OR9Q1: variants seen among roughly 807,000 people sequenced by gnomAD.
OR9Q1 encodes olfactory receptor family 9 subfamily Q member 1.
For synonymous variants in OR9Q1, 153 were observed against 148.6 expected, an observed-to-expected ratio of 1.03 and a Z score of -0.22; for missense variants, 374 against 378.8, an observed-to-expected ratio of 0.99 and a Z score of 0.11.
intron 2 of OR9Q1, among the ~76,000 whole-genome samples, chr11:58,124,218 C>G (rs546630547): frequency 3.3e-5 from 5 of 152,028 alleles, no homozygotes; most frequent in South Asian, 4.2e-4. Flanking sequence ...CTCCCCGAAC[C>G]CAGGACAGTT....
intron 2 of OR9Q1, among the ~76,000 whole-genome samples, chr11:58,100,137 C>T (rs1853770076): frequency 6.6e-6 from 1 of 152,148 alleles, no homozygotes; most frequent in Admixed American, 6.5e-5. Context: ...AGCAGCATTT[C>T]AAGAGAGTGA....
At chr11:58,066,943 G>A (rs1266921217) in intron 2 of OR9Q1, among the ~76,000 whole-genome samples, 1 of 152,204 alleles carries the variant, frequency 6.6e-6, no homozygotes, top group Non-Finnish European at 1.5e-5. Flanking sequence ...CGGCACTGGG[G>A]AGTGTGTGCT....
intron 2 of OR9Q1, among the ~76,000 whole-genome samples, chr11:58,136,036 ATC>A (rs1329006018): frequency 1.3e-5 from 2 of 152,160 alleles, no homozygotes; most frequent in African/African-American, 4.8e-5. Flanking sequence ...TTTCCTGAAA[ATC>A]CCATTAGTTT....
chr11:58,106,866 T>C (rs1853845363), intron 2 of OR9Q1, among the ~76,000 whole-genome samples: 1 of 152,196 alleles, frequency 6.6e-6, no homozygotes, highest in Non-Finnish European at 1.5e-5. Flanking sequence ...TCTATTTTTA[T>C]GTCAGTACAA....
rs748092841 is a variant in OR9Q1 at position 58,118,795 on chromosome 11, G to A, written c.-14-60636G>A. 6.8e-5 allele frequency: 110 copies of A among 1,613,978 alleles called. 1 individual carries two copies. The South Asian group carries it at 1.1e-3, about 17-fold the overall frequency. On this transcript the variant is annotated intron_variant, in intron 2 of 2. Transcript: ENST00000335397. Reference sequence around the variant, plus strand: ...AATGGTCTTGATGATGAGCAGATAGGAAATCAGGATGACGGAGGCATTGGC... The same window carrying A: ...AATGGTCTTGATGATGAGCAGATAGAAAATCAGGATGACGGAGGCATTGGC...
At chr11:58,175,514 A>T (rs568957214) in intron 2 of OR9Q1, among the ~76,000 whole-genome samples, 1 of 152,262 alleles carries the variant, frequency 6.6e-6, no homozygotes, top group East Asian at 1.9e-4. Flanking sequence ...ATTGTTTACT[A>T]CTATCCCCAT....
At chr11:58,129,723 T>A (rs1854123188) in intron 2 of OR9Q1, among the ~76,000 whole-genome samples, 1 of 152,166 alleles carries the variant, frequency 6.6e-6, no homozygotes, top group South Asian at 2.1e-4. Context: ...TTTTCTGACC[T>A]CCAGAAGTTC....
intron 2 of OR9Q1, among the ~76,000 whole-genome samples, chr11:58,156,701 G>A (rs911484654): frequency 6.6e-6 from 1 of 152,170 alleles, no homozygotes; most frequent in South Asian, 2.1e-4. Context: ...TTGGAGACAA[G>A]ATTCCCTGAG....
At chr11:58,067,742 T>C (rs1013109537) in intron 2 of OR9Q1, among the ~76,000 whole-genome samples, 2 of 152,104 alleles carry the variant, frequency 1.3e-5, no homozygotes, top group Admixed American at 1.3e-4. Context: ...AAGTGGGAAA[T>C]GGAAGTGTGG....
At chr11:58,099,644 T>G (rs2120083138) in intron 2 of OR9Q1, among the ~76,000 whole-genome samples, 1 of 152,302 alleles carries the variant, frequency 6.6e-6, no homozygotes, top group South Asian at 2.1e-4. Flanking sequence ...TAGGTGGATC[T>G]TATTTTTAAT....
chr11:58,155,403 A>G (rs544962862), intron 2 of OR9Q1, among the ~76,000 whole-genome samples: 1 of 152,132 alleles, frequency 6.6e-6, no homozygotes, highest in South Asian at 2.1e-4. Flanking sequence ...GTTCATACAG[A>G]AAATGAACCA....
At chr11:58,080,076 T>A (rs1379879276) in intron 2 of OR9Q1, among the ~76,000 whole-genome samples, 1 of 152,170 alleles carries the variant, frequency 6.6e-6, no homozygotes, top group Non-Finnish European at 1.5e-5. Context: ...GCTTGTTACA[T>A]GGGTATATTG....
chr11:58,112,069 C>T (rs1443024365), intron 2 of OR9Q1, among the ~76,000 whole-genome samples: 2 of 152,072 alleles, frequency 1.3e-5, no homozygotes, highest in Non-Finnish European at 2.9e-5. Context: ...AGGTGGATCA[C>T]CTGAGGTCAG....
chr11:58,148,627 A>G (rs961130194), intron 2 of OR9Q1, among the ~76,000 whole-genome samples: 1 of 152,212 alleles, frequency 6.6e-6, no homozygotes, highest in South Asian at 2.1e-4. Flanking sequence ...AGGGCAAAAA[A>G]GAAATGAAGC....
intron 2 of OR9Q1, among the ~76,000 whole-genome samples, chr11:58,103,975 T>A (rs534189939): frequency 6.6e-6 from 1 of 152,296 alleles, no homozygotes; most frequent in African/African-American, 2.4e-5. Flanking sequence ...GCCAAGGGTG[T>A]GCATGGGCAT....
chr11:58,030,948 C>T (rs1427343465), intron 1 of OR9Q1: 1 of 1,591,046 alleles, frequency 6.3e-7, no homozygotes, highest in African/African-American at 1.3e-5. Flanking sequence ...CTCTCACTGC[C>T]ACATATGCAA....
intron 2 of OR9Q1, among the ~76,000 whole-genome samples, chr11:58,104,942 C>T (rs1853826108): frequency 6.6e-6 from 1 of 152,162 alleles, no homozygotes; most frequent in Admixed American, 6.5e-5. Context: ...TCGATTGTTG[C>T]TGCAGAAAAC....
chr11:58,127,929 TAA>T (rs1418260526), intron 2 of OR9Q1, among the ~76,000 whole-genome samples: 1 of 152,208 alleles, frequency 6.6e-6, no homozygotes, highest in Non-Finnish European at 1.5e-5. Flanking sequence ...GCTATCCAGA[TAA>T]AGTGTTTTTG....
intron 2 of OR9Q1, among the ~76,000 whole-genome samples, chr11:58,103,550 C>A (rs1266536411): frequency 6.6e-6 from 1 of 151,836 alleles, no homozygotes; most frequent in Non-Finnish European, 1.5e-5. Flanking sequence ...CTGAATTTCA[C>A]GAAGATTAAT....
Sources: allele counts gnomAD v4.1 joint callset (sites outside exome capture counted in the v4.1 genomes callset), GRCh38; gene constraint gnomAD v4.1.1; transcripts MANE v1.5; gene names NCBI Gene and HGNC (gene_info 2026-07-23, HGNC 2026-07-21).